MINDY4: variants seen among roughly 807,000 people sequenced by gnomAD.
MINDY4 encodes probable ubiquitin carboxyl-terminal hydrolase MINDY-4.
In MINDY4, 68 loss-of-function variants were observed where a neutral mutation model predicts 87.0. That is an observed-to-expected ratio of 0.78 (90% CI 0.64 to 0.96). The LOEUF (loss-of-function observed/expected upper bound fraction) is 0.96, where lower values mean the gene tolerates loss of function less well. Ranked by LOEUF, MINDY4 falls within the 40% of genes least tolerant of loss-of-function variation. The pLI, the probability that MINDY4 is intolerant of heterozygous loss-of-function variation, is 0.00. For missense variants in MINDY4, 919 were observed against 928.2 expected (o/e 0.99, Z 0.13); for synonymous variants, 379 against 363.2 (o/e 1.04, Z -0.50).
chr7:30,817,784 C>T (rs973502522), intron 5 of MINDY4, among the ~76,000 whole-genome samples: 2 of 152,244 alleles, frequency 1.3e-5, no homozygotes, highest in Non-Finnish European at 2.9e-5. Flanking sequence ...TGTCCATCCA[C>T]TTCCTATATG....
At chr7:30,876,334 C>T (rs1199460330) in intron 15 of MINDY4, among the ~76,000 whole-genome samples, 2 of 152,210 alleles carry the variant, frequency 1.3e-5, no homozygotes, top group Non-Finnish European at 2.9e-5. Flanking sequence ...CACCGTACTC[C>T]AGTATGACCT....
At chr7:30,798,739 C>A (rs1787565483) in intron 5 of MINDY4, among the ~76,000 whole-genome samples, 1 of 152,160 alleles carries the variant, frequency 6.6e-6, no homozygotes, top group Non-Finnish European at 1.5e-5. Context: ...ACCTTGTGAT[C>A]CGCCCGCCTC....
At chr7:30,775,898 T>A (rs1441341805) in intron 1 of MINDY4, among the ~76,000 whole-genome samples, 1 of 152,226 alleles carries the variant, frequency 6.6e-6, no homozygotes, top group Non-Finnish European at 1.5e-5. Flanking sequence ...TCTCTGTCCT[T>A]CTAGTTGCCT....
chr7:30,888,070 A>G (rs1790686325), intron 17 of MINDY4, among the ~76,000 whole-genome samples: 1 of 152,198 alleles, frequency 6.6e-6, no homozygotes, highest in Non-Finnish European at 1.5e-5. Context: ...TGGCTGACAC[A>G]GGCTCTATCA....
chr7:30,783,361 C>A lies in MINDY4; in HGVS notation c.419+1149C>A, dbSNP rs191713133. On this transcript the variant is annotated intron_variant, in intron 3 of 17. Coordinates refer to ENST00000265299, the MANE Select transcript of MINDY4 (RefSeq NM_032222.3). ...GATTACATTGGGCCCACCAGATAATCCCATTTTAAGACTCCGAATTTAATC... is the reference window on the plus strand; with the variant it reads ...GATTACATTGGGCCCACCAGATAATACCATTTTAAGACTCCGAATTTAATC... Among the ~76,000 whole-genome samples the A allele has an allele frequency of 7.0e-3, 1,070 of 152,188 alleles. 9 individuals carry two copies. Among genetic ancestry groups the A allele is most frequent in the Non-Finnish European group, 0.012 (814 of 68,000 alleles).
At position 30,781,958 on chromosome 7, in the gene MINDY4, T is replaced by G; in HGVS notation, c.184-19T>G. The G allele has an allele frequency of 6.4e-7, 1 of 1,557,016 alleles. No homozygotes were observed. Among genetic ancestry groups the G allele is most frequent in the Non-Finnish European group, 8.8e-7 (1 of 1,133,540 alleles). ...AGCTGTATATAAATTAATGATTTTT[T>G]TTTCTCTCCCAATGATAGGCAAAGG... is the stretch of plus-strand genomic sequence containing the variant. On this transcript the variant is annotated intron_variant, in intron 2 of 17. Coordinates refer to ENST00000265299, the MANE Select transcript of MINDY4 (RefSeq NM_032222.3).
At chr7:30,800,934 G>C (rs1787629969) in intron 5 of MINDY4, among the ~76,000 whole-genome samples, 1 of 152,196 alleles carries the variant, frequency 6.6e-6, no homozygotes, top group African/African-American at 2.4e-5. Context: ...CAGCGATTTA[G>C]TCTCGTTGCC....
intron 6 of MINDY4, among the ~76,000 whole-genome samples, chr7:30,833,059 T>C (rs1788755471): frequency 6.6e-6 from 1 of 152,254 alleles, no homozygotes; most frequent in East Asian, 1.9e-4. Flanking sequence ...TTACTTTCTC[T>C]ACCCAGCACC....
chr7:30,867,855 G>A (rs1255698013), intron 13 of MINDY4, among the ~76,000 whole-genome samples: 5 of 152,122 alleles, frequency 3.3e-5, no homozygotes, highest in Admixed American at 2.6e-4. Context: ...CCTGCTTCAG[G>A]CTTGGTGTTT....
Position 30,853,374 on chromosome 7 carries a change from G to A in MINDY4, c.1612-20G>A. 3 of 1,610,654 alleles carry A rather than the reference G, an allele frequency of 1.9e-6. 1 individual carries two copies. The South Asian group carries it at 3.3e-5, about 18-fold the overall frequency. ...GCGTGGGGCTTGGGCCACTCATCCT[G>A]AGTGTTTGTGTCTTCTCAGCTTACG... On this transcript the variant is annotated intron_variant, in intron 11 of 17. Transcript: ENST00000265299.
rs1375900710 is a variant in MINDY4, at chr7:30,771,452, C to T, written c.-42C>T. On this transcript the variant is annotated 5_prime_UTR_variant, in exon 1 of 18. Transcript: ENST00000265299. ...GGACAGACCCAGTTGCCTGGTGCTG[C>T]GGCCCGGCGTGGGCCTCGTGGGCAG... is the stretch of plus-strand genomic sequence containing the variant. The T allele has an allele frequency of 1.9e-6, 3 of 1,581,340 alleles. No individual in the cohort carries two copies. Among genetic ancestry groups the T allele is most frequent in the African/African-American group, 1.3e-5 (1 of 74,614 alleles).
At chr7:30,867,443 A>C (rs1453518178) in intron 13 of MINDY4, among the ~76,000 whole-genome samples, 1 of 152,168 alleles carries the variant, frequency 6.6e-6, no homozygotes, top group Non-Finnish European at 1.5e-5. Flanking sequence ...TGCTTTATAT[A>C]GTTCATCTCA....
At chr7:30,866,862 C>G (rs1333063650) in intron 13 of MINDY4, among the ~76,000 whole-genome samples, 1 of 152,086 alleles carries the variant, frequency 6.6e-6, no homozygotes, top group Non-Finnish European at 1.5e-5. Flanking sequence ...CCCCTGCTTT[C>G]CCTTCTTCCT....
intron 9 of MINDY4, among the ~76,000 whole-genome samples, chr7:30,841,253 G>A (rs1040551289): frequency 1.6e-4 from 24 of 152,208 alleles, no homozygotes; most frequent in African/African-American, 5.1e-4. Context: ...ATTCCAGGCC[G>A]CCCCACAGAT....
intron 13 of MINDY4, among the ~76,000 whole-genome samples, chr7:30,867,180 C>T (rs1431299315): frequency 6.6e-6 from 1 of 152,194 alleles, no homozygotes; most frequent in African/African-American, 2.4e-5. Context: ...TTGGTTCTGA[C>T]TCATCGTCTA....
At chr7:30,804,357 C>G (rs1176760653) in intron 5 of MINDY4, among the ~76,000 whole-genome samples, 6 of 152,140 alleles carry the variant, frequency 3.9e-5, no homozygotes, top group Non-Finnish European at 8.8e-5. Context: ...GAAGTGGGGC[C>G]TTTTCCCAAT....
Position 30,785,956 on chromosome 7 carries a change from A to T in MINDY4, c.627A>T (p.Arg209=). Residue 209 remains arginine (R), a synonymous_variant, in exon 4 of 18, where the codon CGA becomes CGT. Coordinates refer to ENST00000265299, the MANE Select transcript of MINDY4 (RefSeq NM_032222.3). The stretch of plus-strand genomic sequence containing the variant: ...GGCCAAAGTCTGGTCTGATTGTGCG[A>T]GGCATGATGTCTGGGCCCATCGCCA... ...NSRPKSGLIV[R]GMMSGPIASS... 2 of 1,614,152 alleles carry T rather than the reference A, an allele frequency of 1.2e-6. No individual in the cohort carries two copies. The highest frequency in any genetic ancestry group is 1.7e-6 in the Non-Finnish European group (2 of 1,180,034).
At chr7:30,812,273 G>A (rs908098174) in intron 5 of MINDY4, among the ~76,000 whole-genome samples, 6 of 84,192 alleles carry the variant, frequency 7.1e-5, no homozygotes, top group East Asian at 3.1e-4. Flanking sequence ...GTGTGTTGAG[G>A]GGGGGGGGGT....
chr7:30,869,461 C>T (rs1790037570), intron 13 of MINDY4, among the ~76,000 whole-genome samples: 1 of 152,148 alleles, frequency 6.6e-6, no homozygotes, highest in Non-Finnish European at 1.5e-5. Context: ...TAATGACAGA[C>T]ATTCGTGTCT....
Sources: gnomAD v4.1 joint callset for allele counts (sites outside exome capture counted in the v4.1 genomes callset) on GRCh38, gnomAD v4.1.1 for gene constraint, MANE v1.5 for transcripts, NCBI Gene and HGNC (gene_info 2026-07-23, HGNC 2026-07-21) for gene names.